ACKR3: variants seen among roughly 807,000 people sequenced by gnomAD.
The protein encoded by ACKR3 is C-X-C chemokine receptor type 7.
ACKR3 carries 6 observed loss-of-function variants against 22.4 expected under a neutral mutation model. That is an observed-to-expected ratio of 0.27 (90% CI 0.15 to 0.53). ACKR3 has a LOEUF of 0.53. Among genes scored for constraint, ACKR3 ranks in the 20% least tolerant of loss-of-function variants. The pLI is 0.96. For synonymous variants in ACKR3, 209 were observed against 205.2 expected (o/e 1.02, Z -0.16); for missense variants, 396 against 475.2 (o/e 0.83, Z 1.55).
In ACKR3 at chr2:236,581,377, G is replaced by T. The variant is rs374255876; in HGVS notation, c.912G>T (p.Ser304=). The T allele has an allele frequency of 2.5e-6, 4 of 1,614,002 alleles. No homozygotes were observed. Among genetic ancestry groups the T allele is most frequent in the Admixed American group, 3.3e-5 (2 of 60,022 alleles). Residue 304 remains serine, a synonymous_variant, in exon 2 of 2, where the codon TCG becomes TCT. Transcript: ENST00000272928. The surrounding 1 kb of genome is among the most constrained non-coding windows in gnomAD (Gnocchi z 4.4). ...CCCTGCATGTCACACAGTGCCTGTC[G>T]CTGGTGCACTGCTGCGTCAACCCTG... is the stretch of plus-strand genomic sequence containing the variant. ...FTALHVTQCL[S]LVHCCVNPVL...
At chr2:236,550,436 C>T in the ACKR3 span, among the ~76,000 whole-genome samples, 2 of 152,216 alleles carry the variant, frequency 1.3e-5, no homozygotes, top group Non-Finnish European at 2.9e-5. The surrounding 1 kb of genome is among the most constrained non-coding windows in gnomAD (Gnocchi z 4.6). Context: ...ACATTCTTCA[C>T]GTCATCGGGC....
At position 236,581,559 on chromosome 2, in the gene ACKR3, C is replaced by A. The variant is rs763392270; in HGVS notation, c.*5C>A. ...TTGGAGCAGAGCACCAAATGATCTG[C>A]CCTGGAGAGGCTCTGGGACGGGTTT... is the stretch of plus-strand genomic sequence containing the variant. On this transcript the variant is annotated 3_prime_UTR_variant, in exon 2 of 2. Transcript: ENST00000272928. The surrounding 1 kb of genome is among the most constrained non-coding windows in gnomAD (Gnocchi z 4.4). The A allele has an allele frequency of 8.7e-6, 14 of 1,607,624 alleles. No individual in the cohort carries two copies. The highest frequency in any genetic ancestry group is 1.7e-5 in the Admixed American group (1 of 59,758).
chr2:236,544,072 C>T, the ACKR3 span, among the ~76,000 whole-genome samples: 19 of 148,556 alleles, frequency 1.3e-4, no homozygotes, highest in African/African-American at 4.7e-4. The surrounding 1 kb of genome is among the most constrained non-coding windows in gnomAD (Gnocchi z 5.0). Flanking sequence ...TCACTGCAAC[C>T]TCTGCCTCCC....
chr2:236,569,557 G>C (rs1360982112), upstream of ACKR3: 1 of 152,220 alleles, frequency 6.6e-6, no homozygotes, highest in East Asian at 1.9e-4. Flanking sequence ...TTTGTCTTTG[G>C]CTGACGTTTT....
chr2:236,544,151 G>A, the ACKR3 span, among the ~76,000 whole-genome samples: 124 of 150,872 alleles, frequency 8.2e-4, no homozygotes, highest in Non-Finnish European at 1.5e-3. This position sits in a 1 kb window ranked among gnomAD's most constrained non-coding sequence, Gnocchi z 5.0. Flanking sequence ...CACCATGCCC[G>A]GCTAATTTTT....
chr2:236,539,771 A>G, the ACKR3 span, among the ~76,000 whole-genome samples: 1 of 152,224 alleles, frequency 6.6e-6, no homozygotes, highest in Non-Finnish European at 1.5e-5. Flanking sequence ...TAATTTATAA[A>G]GGAAAGAGAT....
chr2:236,554,549 T>C, the ACKR3 span, among the ~76,000 whole-genome samples: 1 of 151,782 alleles, frequency 6.6e-6, no homozygotes, highest in South Asian at 2.1e-4. Flanking sequence ...AGGGCTGAGG[T>C]TTAGGTTTTG....
chr2:236,576,275 C>T (rs1691410676), intron 1 of ACKR3, among the ~76,000 whole-genome samples: 1 of 152,228 alleles, frequency 6.6e-6, no homozygotes, highest in Non-Finnish European at 1.5e-5. Flanking sequence ...CCCGCACAGG[C>T]TGAGAGGCAT....
the ACKR3 span, among the ~76,000 whole-genome samples, chr2:236,539,999 G>A: frequency 5.5e-4 from 84 of 152,286 alleles, no homozygotes; most frequent in South Asian, 2.3e-3. Flanking sequence ...ACCTTGCCCC[G>A]TCCTTGACAC....
chr2:236,540,466 T>C, the ACKR3 span, among the ~76,000 whole-genome samples: 1 of 152,134 alleles, frequency 6.6e-6, no homozygotes, highest in African/African-American at 2.4e-5. Flanking sequence ...GACTTGCCTC[T>C]TCATTTTTAT....
chr2:236,556,171 A>G, the ACKR3 span, among the ~76,000 whole-genome samples: 2 of 152,112 alleles, frequency 1.3e-5, no homozygotes, highest in Non-Finnish European at 2.9e-5. Flanking sequence ...CAGGTCCCAG[A>G]CAGGGTGAGG....
At chr2:236,543,070 A>C in the ACKR3 span, among the ~76,000 whole-genome samples, 9 of 152,236 alleles carry the variant, frequency 5.9e-5, no homozygotes, top group Admixed American at 5.9e-4. Flanking sequence ...TCAATGCTTT[A>C]CCGAACTTAG....
At chr2:236,548,610 A>G in the ACKR3 span, among the ~76,000 whole-genome samples, 178 of 152,226 alleles carry the variant, frequency 1.2e-3, 1 homozygote, top group Middle Eastern at 0.01. This position sits in a 1 kb window ranked among gnomAD's most constrained non-coding sequence, Gnocchi z 4.3. Context: ...TCATGAGCAA[A>G]CCAATTCAGG....
the ACKR3 span, among the ~76,000 whole-genome samples, chr2:236,552,347 C>A: frequency 6.6e-6 from 1 of 152,142 alleles, no homozygotes; most frequent in East Asian, 1.9e-4. Context: ...CATTCAACTA[C>A]TTTCTATTAT....
In ACKR3 at chr2:236,581,479, A is replaced by C; in HGVS notation, c.1014A>C (p.Thr338=). ...TCATCTTCAAGTACTCGGCCAAAAC[A>C]GGGCTCACCAAGCTCATCGATGCCT... is the stretch of plus-strand genomic sequence containing the variant. The part of the protein sequence containing the change: ...KAFIFKYSAK[T]GLTKLIDASR... The change falls in exon 2 of 2, where the codon ACA becomes ACC. Residue 338 remains threonine (T), a synonymous_variant. Transcript: ENST00000272928. The surrounding 1 kb of genome is among the most constrained non-coding windows in gnomAD (Gnocchi z 4.4). 6.2e-7 allele frequency: 1 copy of C among 1,614,152 alleles called. No individual in the cohort carries two copies. Among genetic ancestry groups the C allele is most frequent in the Non-Finnish European group, 8.5e-7 (1 of 1,180,024 alleles).
chr2:236,568,809 G>T (rs1429764262), upstream of ACKR3, among the ~76,000 whole-genome samples: 1 of 152,214 alleles, frequency 6.6e-6, no homozygotes, highest in Non-Finnish European at 1.5e-5. Context: ...ATCTCGAAAA[G>T]TTTTAGCTCT....
the ACKR3 span, among the ~76,000 whole-genome samples, chr2:236,545,397 A>T: frequency 1.3e-5 from 2 of 152,194 alleles, no homozygotes; most frequent in Non-Finnish European, 2.9e-5. This position sits in a 1 kb window ranked among gnomAD's most constrained non-coding sequence, Gnocchi z 5.3. Context: ...TTACCGTCTC[A>T]AAGTCACATC....
the ACKR3 span, among the ~76,000 whole-genome samples, chr2:236,539,470 G>T: frequency 1.3e-5 from 2 of 151,714 alleles, no homozygotes; most frequent in East Asian, 3.9e-4. Context: ...TCACTACCAC[G>T]CCTGGCTAGT....
chr2:236,562,796 C>T (rs537169917), upstream of ACKR3, among the ~76,000 whole-genome samples: 1 of 152,288 alleles, frequency 6.6e-6, no homozygotes, highest in South Asian at 2.1e-4. Flanking sequence ...TACTGTCACA[C>T]TTGCATTATG....
Sources: allele counts gnomAD v4.1 joint callset (sites outside exome capture counted in the v4.1 genomes callset), GRCh38; gene constraint gnomAD v4.1.1; non-coding constraint Gnocchi (gnomAD v3.1); transcripts MANE v1.5; gene names NCBI Gene and HGNC (gene_info 2026-07-23, HGNC 2026-07-21).